The following GSE1 variants were observed in gnomAD, a reference collection of about 807,000 sequenced individuals.
GSE1 encodes the protein Gse1 coiled-coil protein, also known as genetic suppressor element 1.
Under a neutral mutation model 112.6 loss-of-function variants are expected in GSE1, and 32 were observed. The observed-to-expected ratio is 0.28, with a 90% CI of 0.21 to 0.38. The LOEUF (loss-of-function observed/expected upper bound fraction) is 0.38. GSE1 is among the 10% of genes least tolerant of loss of function. The pLI is 1.00. For missense variants in GSE1, 2,348 were observed against 1,699.2 expected (o/e 1.38, Z -6.71); for synonymous variants, 1,115 against 735.6 (o/e 1.52, Z -8.35).
At chr16:85,338,674 G>C (rs192100914) in intron 1 of GSE1, among the ~76,000 whole-genome samples, 55 of 152,328 alleles carry the variant, frequency 3.6e-4, no homozygotes, top group Admixed American at 3.1e-3. Flanking sequence ...CCCGGTAGTA[G>C]TCTAAATACA....
Position 85,656,329 on chromosome 16 carries a change from T to C in GSE1, c.990-14T>C, listed in dbSNP as rs3751722. The C allele has an allele frequency of 1.4e-3, 2,302 of 1,609,942 alleles. 46 individuals carry two copies. In the East Asian group the frequency reaches 0.044, roughly 31 times the overall value. On this transcript the variant is annotated splice_polypyrimidine_tract_variant and intron_variant, in intron 6 of 15. Coordinates refer to ENST00000253458, the MANE Select transcript of GSE1 (RefSeq NM_014615.5). Reference sequence around the variant, plus strand: ...TGGTGCAGCAGAGCCCCCAACTCTTTCCATGTGCTGCAGGCTGCAGATGGA... The same window carrying C: ...TGGTGCAGCAGAGCCCCCAACTCTTCCCATGTGCTGCAGGCTGCAGATGGA...
Position 85,666,140 on chromosome 16 carries a change from A to G in GSE1, c.2923A>G (p.Arg975Gly). 1 of 1,613,358 alleles carries G rather than the reference A, an allele frequency of 6.2e-7. No individual in the cohort carries two copies. Among genetic ancestry groups the G allele is most frequent in the Non-Finnish European group, 8.5e-7 (1 of 1,179,988 alleles). The stretch of plus-strand genomic sequence containing the variant: ...AGCTCCTGCCAGCGGGGAGAAGGCC[A>G]GGCTGAGCGAGGCCCCTGGAGGCAA... ...ELAPASGEKA[R>G]LSEAPGGKKS... The change falls in exon 13 of 16, where the codon AGG becomes GGG. Residue 975 changes from arginine to glycine, a missense_variant. By Grantham distance (125) the Arg-to-Gly change is moderately radical. Coordinates refer to ENST00000253458, the MANE Select transcript of GSE1 (RefSeq NM_014615.5).
At chr16:85,664,804 C>G (rs1290970463) in intron 11 of GSE1, 2 of 565,604 alleles carry the variant, frequency 3.5e-6, no homozygotes, top group African/African-American at 3.8e-5. Context: ...TGGAGCACGT[C>G]TAGGACATTG....
At chr16:85,597,784 A>T (rs1312210693) in intron 1 of GSE1, among the ~76,000 whole-genome samples, 1 of 152,170 alleles carries the variant, frequency 6.6e-6, no homozygotes, top group Admixed American at 6.5e-5. Context: ...TTCTTCAATA[A>T]CTAAAAGATG....
chr16:85,495,552 A>G (rs114779653), intron 2 of GSE1, among the ~76,000 whole-genome samples: 1,960 of 151,356 alleles, frequency 0.013, 41 homozygotes, highest in African/African-American at 0.044. Flanking sequence ...GCTGGGGTGC[A>G]GTGGTGGGAT....
Position 85,655,796 on chromosome 16 carries a change from C to G in GSE1, c.868C>G (p.Pro290Ala). The G allele has an allele frequency of 1.9e-6, 3 of 1,599,826 alleles. No individual in the cohort carries two copies. Among genetic ancestry groups the G allele is most frequent in the Non-Finnish European group, 2.6e-6 (3 of 1,168,672 alleles). The change falls in exon 6 of 16, where the codon CCC (proline) becomes GCC (alanine). Residue 290 changes from proline to alanine, a missense_variant. Transcript: ENST00000253458. ...CCCCATCCCCACCCCCGGCTCCCTGCCCCCACTGCACCCATCAGCGATGCA... is the reference window on the plus strand; with the variant it reads ...CCCCATCCCCACCCCCGGCTCCCTGGCCCCACTGCACCCATCAGCGATGCA... ...FYPIPTPGSLPPLHPSAMHLH... is the reference protein window; with the variant it reads ...FYPIPTPGSLAPLHPSAMHLH...
In GSE1 at chr16:85,663,599, G is replaced by T. The variant is rs754410672; in HGVS notation, c.2629G>T (p.Ala877Ser). 1.2e-6 allele frequency: 2 copies of T among 1,612,768 alleles called. No homozygotes were observed. The highest frequency in any genetic ancestry group is 1.1e-5 in the South Asian group (1 of 91,016). Reference sequence around the variant, plus strand: ...CATCTTCAACCTGACCCACATCAGCGCTGAGAAGAGGAAAGGTAGGGCCTC... The same window carrying T: ...CATCTTCAACCTGACCCACATCAGCTCTGAGAAGAGGAAAGGTAGGGCCTC... The part of the protein sequence containing the change: ...LTIFNLTHIS[A>S]EKRKDKERLV... Residue 877 changes from alanine (A) to serine (S), a missense_variant, in exon 11 of 16, where the codon GCT becomes TCT. Transcript: ENST00000253458.
At chr16:85,191,511 ATGAAGGAGCAGTGCTCCC>A (rs2074820091) in intron 1 of GSE1, among the ~76,000 whole-genome samples, 1 of 152,234 alleles carries the variant, frequency 6.6e-6, no homozygotes, top group Admixed American at 6.5e-5. Context: ...TCAGAGAGGA[ATGAAGGAGCAGTGCTCCC>A]TGAGCAGCTC....
At chr16:85,261,208 A>T (rs1907650343) in intron 1 of GSE1, among the ~76,000 whole-genome samples, 1 of 152,144 alleles carries the variant, frequency 6.6e-6, no homozygotes, top group South Asian at 2.1e-4. Flanking sequence ...CTTTCCAAAC[A>T]CATGCTCAAG....
At chr16:85,284,814 C>T (rs898945707) in intron 1 of GSE1, among the ~76,000 whole-genome samples, 4 of 152,186 alleles carry the variant, frequency 2.6e-5, no homozygotes, top group African/African-American at 9.6e-5. Context: ...GCTCCGCTGC[C>T]GTCCTGGCAG....
intron 1 of GSE1, among the ~76,000 whole-genome samples, chr16:85,303,481 G>A (rs1253046719): frequency 2.6e-5 from 4 of 152,354 alleles, no homozygotes; most frequent in African/African-American, 7.2e-5. Flanking sequence ...CACCCCCGCC[G>A]CTGTCCGCCG....
chr16:85,518,193 C>T (rs567469401), intron 2 of GSE1, among the ~76,000 whole-genome samples: 1 of 152,360 alleles, frequency 6.6e-6, no homozygotes, highest in African/African-American at 2.4e-5. Flanking sequence ...GGCCCAGATC[C>T]AGTGACGCCT....
chr16:85,550,144 A>G (rs1225182148), intron 2 of GSE1, among the ~76,000 whole-genome samples: 1 of 152,076 alleles, frequency 6.6e-6, no homozygotes, highest in Non-Finnish European at 1.5e-5. Flanking sequence ...TGAGGGTCAA[A>G]ATGTTAATGT....
Position 85,668,314 on chromosome 16 carries a change from A to C in GSE1, c.3305A>C (p.Glu1102Ala). ...PPTQELDRDSEEEEEEDDEDG... is the reference protein window; with the variant it reads ...PPTQELDRDSAEEEEEDDEDG... ...ACCCAGGAGTTGGACCGGGACTCGG[A>C]GGAGGAGGAAGAGGAGGATGATGAA... Residue 1102 changes from glutamate (E) to alanine (A), a missense_variant, in exon 14 of 16, where the codon GAG (glutamate) becomes GCG (alanine). Coordinates refer to ENST00000253458, the MANE Select transcript of GSE1 (RefSeq NM_014615.5). 1 of 1,610,212 alleles carries C rather than the reference A, an allele frequency of 6.2e-7. No homozygotes were observed.
At chr16:85,510,423 TGTGTGTGTGTGTCA>T (rs2051701523) in intron 2 of GSE1, among the ~76,000 whole-genome samples, 1 of 147,914 alleles carries the variant, frequency 6.8e-6, no homozygotes, top group Admixed American at 6.7e-5. Context: ...TGTGTGTCTG[TGTGTGTGTGTGTCA>T]GTGTGTGTGT....
rs1037244919 is a variant in GSE1, at chr16:85,311,440, A to G, written c.2284-46023A>G. Among the ~76,000 whole-genome samples, 3 of 146,456 alleles carry G rather than the reference A, an allele frequency of 2.0e-5. No homozygotes were observed. The highest frequency in any genetic ancestry group is 4.9e-5 in the African/African-American group (2 of 40,596). ...GGCAACCTGCCCTCGTGGCACCACA[A>G]GAGAGCTGCTGGGGACAGGACGTGG... On this transcript the variant is annotated intron_variant, in intron 1 of 2. Transcript: ENST00000637419. This position sits in a 1 kb window ranked among gnomAD's most constrained non-coding sequence, Gnocchi z 4.2.
At chr16:85,345,634 C>T (rs965807189) in intron 1 of GSE1, among the ~76,000 whole-genome samples, 2 of 152,228 alleles carry the variant, frequency 1.3e-5, no homozygotes, top group Admixed American at 1.3e-4. Flanking sequence ...CCCACCCGCC[C>T]TTCTCTCCAT....
chr16:85,654,248 C>CA, intron 3 of GSE1, 30 bp from the exon 4 acceptor site: 1 of 1,564,080 alleles, frequency 6.4e-7, no homozygotes, highest in Non-Finnish European at 8.7e-7. Flanking sequence ...TACCAGGCTC[C>CA]TGCCCTGACT....
intron 2 of GSE1, among the ~76,000 whole-genome samples, chr16:85,507,662 CTCT>C (rs2051584317): frequency 6.6e-6 from 1 of 152,130 alleles, no homozygotes; most frequent in East Asian, 1.9e-4. Flanking sequence ...GTGTCCACAC[CTCT>C]TCTTCTTATG....
Sources: gnomAD v4.1 joint callset for allele counts (sites outside exome capture counted in the v4.1 genomes callset) on GRCh38, gnomAD v4.1.1 for gene constraint, Gnocchi (gnomAD v3.1) non-coding constraint, MANE v1.5 for transcripts, NCBI Gene and HGNC (gene_info 2026-07-23, HGNC 2026-07-21) for gene names.